Variants in CDHR2 observed in about 807,000 individuals in gnomAD.
CDHR2 encodes the protein cadherin-related family member 2.
A neutral mutation model predicts 138.6 loss-of-function variants in CDHR2; 104 were observed. The ratio of observed to expected loss-of-function variants is 0.75; its 90% CI spans 0.64 to 0.88. CDHR2 has a LOEUF of 0.88. Among genes scored for constraint, CDHR2 ranks in the 40% least tolerant of loss-of-function variants. The pLI is 0.00. For synonymous variants in CDHR2, 755 were observed against 742.8 expected, an observed-to-expected ratio of 1.02 and a Z score of -0.27; for missense variants, 1,624 against 1,727.6, an observed-to-expected ratio of 0.94 and a Z score of 1.06.
rs759226214 is a variant in CDHR2 at position 176,589,469 on chromosome 5, C to A, written c.3117+31C>A. On this transcript the variant is annotated intron_variant, in intron 23 of 31. Coordinates refer to ENST00000261944, the MANE Select transcript of CDHR2 (RefSeq NM_017675.6). ...TGCTGGTCCCACCTCCAGCCCCCAA[C>A]GCCCTCTGCCAGCCCCCAGGGTCCC... 2.5e-6 allele frequency: 4 copies of A among 1,610,024 alleles called. No homozygotes were observed. The Admixed American group carries it at 6.7e-5, about 27-fold the overall frequency.
intron 5 of CDHR2, among the ~76,000 whole-genome samples, chr5:176,570,624 G>A (rs146916793): frequency 2.0e-4 from 31 of 152,340 alleles, no homozygotes; most frequent in African/African-American, 7.5e-4. Context: ...ACAGGCATGA[G>A]CCACTGCGCC....
chr5:176,552,822 C>A (rs542074876), intron 1 of CDHR2, among the ~76,000 whole-genome samples: 4 of 152,340 alleles, frequency 2.6e-5, no homozygotes, highest in African/African-American at 7.2e-5. Context: ...CCCCACTCTG[C>A]CGCTGACAGC....
In CDHR2 at chr5:176,591,447, G is replaced by A. The variant is rs1412216502; in HGVS notation, c.3697G>A (p.Glu1233Lys). Residue 1233 changes from glutamate (E) to lysine (K), a missense_variant, in exon 30 of 32, where the codon GAG (glutamate) becomes AAG (lysine). Around this residue, in one of 3 missense-constraint regions of CDHR2, gnomAD observed 556 missense variants for 565.7 expected, o/e 0.98. Coordinates refer to ENST00000261944, the MANE Select transcript of CDHR2 (RefSeq NM_017675.6). ...CCTCCCCAACAAAGACCTGGGCTTG[G>A]AGTACCTCTCTCCCTCCAATGACCT... ...LNLPNKDLGL[E>K]YLSPSNDLDS... 1.9e-6 allele frequency: 3 copies of A among 1,613,994 alleles called. No individual in the cohort carries two copies. The highest frequency in any genetic ancestry group is 3.3e-5 in the Admixed American group (2 of 60,028).
intron 1 of CDHR2, among the ~76,000 whole-genome samples, chr5:176,561,840 A>G (rs190710350): frequency 6.6e-6 from 1 of 152,138 alleles, no homozygotes; most frequent in East Asian, 1.9e-4. Flanking sequence ...GGGTTTCACC[A>G]TGTTGGCCAG....
intron 21 of CDHR2, among the ~76,000 whole-genome samples, chr5:176,587,771 G>T (rs377427320): frequency 6.6e-6 from 1 of 152,198 alleles, no homozygotes; most frequent in Non-Finnish European, 1.5e-5. Context: ...TTAGAGCCGA[G>T]TGTAAGGACA....
In CDHR2 at chr5:176,591,372, G is replaced by A. The variant is rs1360362535; in HGVS notation, c.3654-32G>A. On this transcript the variant is annotated intron_variant, in intron 29 of 31. Coordinates refer to ENST00000261944, the MANE Select transcript of CDHR2 (RefSeq NM_017675.6). The stretch of plus-strand genomic sequence containing the variant: ...TAAGAGGCCTGGTGGGGTGGCTGAG[G>A]GCCAGGCAACTTGACCAGGCTTTCT... The A allele has an allele frequency of 2.5e-6, 4 of 1,611,278 alleles. No individual in the cohort carries two copies. The Admixed American group carries it at 5.0e-5, about 20-fold the overall frequency.
At chr5:176,569,287 G>GTTTTT (rs549604043) in intron 5 of CDHR2, among the ~76,000 whole-genome samples, 2 of 141,114 alleles carry the variant, frequency 1.4e-5, no homozygotes, top group Admixed American at 7.1e-5. Context: ...TAAATTAAAT[G>GTTTTT]TTTTTTTTTT....
At chr5:176,562,575 G>A (rs1261922045) in intron 1 of CDHR2, among the ~76,000 whole-genome samples, 1 of 152,196 alleles carries the variant, frequency 6.6e-6, no homozygotes, top group Non-Finnish European at 1.5e-5. Flanking sequence ...TCTGGGGCAG[G>A]AGGGAAAGGG....
intron 25 of CDHR2, 39 bp downstream of exon 25, chr5:176,590,185 G>T (rs1312086542): frequency 1.2e-6 from 2 of 1,607,084 alleles, no homozygotes; most frequent in Non-Finnish European, 1.7e-6. Flanking sequence ...TTGAGGGGGA[G>T]AAGCGGTAGC....
At chr5:176,588,438 AGT>A (rs770274099) in intron 21 of CDHR2, among the ~76,000 whole-genome samples, 4 of 117,916 alleles carry the variant, frequency 3.4e-5, no homozygotes, top group African/African-American at 5.8e-5. Flanking sequence ...TGTCAGGATA[AGT>A]GTGTGAGTGT....
At chr5:176,548,684 A>G (rs915556854), upstream of CDHR2, among the ~76,000 whole-genome samples, 3 of 152,172 alleles carry the variant, frequency 2.0e-5, no homozygotes, top group African/African-American at 7.2e-5. Context: ...CAGAGATTGC[A>G]GTGAGCCAAG....
At chr5:176,588,544 AGTGTATGT>A (rs1758741635) in intron 21 of CDHR2, among the ~76,000 whole-genome samples, 4 of 138,622 alleles carry the variant, frequency 2.9e-5, no homozygotes, top group Non-Finnish European at 6.2e-5. Flanking sequence ...AGGGTGAGTG[AGTGTATGT>A]GTGAGTGGGA....
rs1758805903 is a variant in CDHR2, at chr5:176,590,117, G to A, written c.3246G>A (p.Val1082=). ...TQATRTTVYI[V]DIQDIDSAAR... ...CAACCAGGACTACAGTATACATTGT[G>A]GACATTCAGGACATAGATTCTGCAG... Residue 1082 remains valine (V), a synonymous_variant, in exon 25 of 32, where the codon GTG becomes GTA. Coordinates refer to ENST00000261944, the MANE Select transcript of CDHR2 (RefSeq NM_017675.6). 6.2e-7 allele frequency: 1 copy of A among 1,613,726 alleles called. No individual in the cohort carries two copies. The highest frequency in any genetic ancestry group is 1.1e-5 in the South Asian group (1 of 91,086).
intron 2 of CDHR2, 50 bp downstream of exon 2, chr5:176,565,454 G>A: frequency 6.4e-7 from 1 of 1,555,898 alleles, no homozygotes; most frequent in Non-Finnish European, 8.9e-7. Context: ...GAGACCCTTG[G>A]CAGGACCCTC....
At chr5:176,556,038 C>T (rs1045340081) in intron 1 of CDHR2, among the ~76,000 whole-genome samples, 1 of 152,224 alleles carries the variant, frequency 6.6e-6, no homozygotes, top group African/African-American at 2.4e-5. Context: ...GCCTCCCTCC[C>T]ATGATTCCCC....
At chr5:176,571,702 A>G (rs888932806) in intron 6 of CDHR2, among the ~76,000 whole-genome samples, 2 of 151,930 alleles carry the variant, frequency 1.3e-5, no homozygotes, top group Non-Finnish European at 2.9e-5. Context: ...TCGCCCGCCT[A>G]ATTTTTTGCA....
At position 176,575,823 on chromosome 5, in the gene CDHR2, T is replaced by C; in HGVS notation, c.944T>C (p.Val315Ala). 1 of 1,549,972 alleles carries C rather than the reference T, an allele frequency of 6.5e-7. No homozygotes were observed. The highest frequency in any genetic ancestry group is 8.7e-7 in the Non-Finnish European group (1 of 1,146,420). ...REQLLEADEE[V>A]QLQVTATETH... The stretch of plus-strand genomic sequence containing the variant: ...CAGCTGCTGGAGGCGGATGAGGAGG[T>C]GCAGCTGCAGGTCACGGTGAGCAAA... Residue 315 changes from valine to alanine, a missense_variant, in exon 11 of 32, where the codon GTG (valine) becomes GCG (alanine). Around this residue, in one of 3 missense-constraint regions of CDHR2, gnomAD observed 1,061 missense variants for 1,136.6 expected, o/e 0.93. Transcript: ENST00000261944.
rs189702462 is a variant in CDHR2 at position 176,574,303 on chromosome 5, G to A, written c.495+131G>A. The A allele has an allele frequency of 1.7e-3, 1,173 of 680,990 alleles. 2 individuals carry two copies. Among genetic ancestry groups the A allele is most frequent in the Non-Finnish European group, 2.3e-3 (914 of 392,616 alleles). The allele number at this position is 680,990 out of a possible 1,614,324, so 42.2% of individuals were successfully genotyped here. On this transcript the variant is annotated intron_variant, in intron 7 of 31. Coordinates refer to ENST00000261944, the MANE Select transcript of CDHR2 (RefSeq NM_017675.6). ...TTGGCCCAGCCCTGGTCCCCAAACC[G>A]TCCTCTGGCCACCAGCCCCCCTCCC...
chr5:176,588,578 T>G (rs1758743887), intron 21 of CDHR2, among the ~76,000 whole-genome samples: 1 of 144,006 alleles, frequency 6.9e-6, no homozygotes, highest in African/African-American at 2.6e-5. Context: ...TGTGAGAGTG[T>G]GTGTGAGGGT....
Sources: gnomAD v4.1 joint callset for allele counts (sites outside exome capture counted in the v4.1 genomes callset) on GRCh38, gnomAD v4.1.1 for gene constraint, gnomAD v4.1.1 regional missense constraint, MANE v1.5 for transcripts, NCBI Gene and HGNC (gene_info 2026-07-23, HGNC 2026-07-21) for gene names.